Variants in ENOX2 observed in about 807,000 individuals in gnomAD.
ENOX2 encodes the protein APK1 antigen.
In ENOX2, 36 loss-of-function variants were observed where a neutral mutation model predicts 45.0. That is an observed-to-expected ratio of 0.80 (90% CI 0.61 to 1.06). The LOEUF (loss-of-function observed/expected upper bound fraction) is 1.06, where lower values mean the gene tolerates loss of function less well. ENOX2 is among the 50% of genes least tolerant of loss of function. ENOX2 has a pLI of 0.00. For missense variants in ENOX2, 423 were observed against 462.5 expected, an observed-to-expected ratio of 0.91 and a Z score of 0.78; for synonymous variants, 174 against 152.3, an observed-to-expected ratio of 1.14 and a Z score of -1.05.
At chrX:130,781,702 C>T (rs1330912418) in intron 3 of ENOX2, among the ~76,000 whole-genome samples, 1 of 111,800 alleles carries the variant, frequency 8.9e-6, no homozygotes, top group Non-Finnish European at 1.9e-5. Flanking sequence ...GCACTCTATC[C>T]GTGGCAGGTT....
intron 2 of ENOX2, among the ~76,000 whole-genome samples, chrX:130,885,701 G>A (rs910790987): frequency 1.8e-5 from 2 of 112,196 alleles, no homozygotes; most frequent in African/African-American, 6.5e-5. Flanking sequence ...TTAGCAGAGA[G>A]AAGTTCTTCC....
intron 2 of ENOX2, among the ~76,000 whole-genome samples, chrX:130,802,957 T>C (rs1007019550): frequency 5.4e-5 from 6 of 111,877 alleles, no homozygotes; most frequent in African/African-American, 1.6e-4. Flanking sequence ...CTTGTAGTTA[T>C]GCAAGGATGA....
intron 2 of ENOX2, among the ~76,000 whole-genome samples, chrX:130,803,853 T>C (rs1197388491): frequency 8.9e-6 from 1 of 112,125 alleles, no homozygotes. Context: ...TAGCATAACA[T>C]TGTGATAAAA....
chrX:130,715,771 G>C (rs1382756575), intron 3 of ENOX2, among the ~76,000 whole-genome samples: 1 of 111,464 alleles, frequency 9.0e-6, no homozygotes, highest in Non-Finnish European at 1.9e-5. Context: ...TATTACCTGT[G>C]TGATGTTAGG....
chrX:130,902,683 GA>G (rs1279178772), intron 1 of ENOX2, among the ~76,000 whole-genome samples: 1 of 107,276 alleles, frequency 9.3e-6, no homozygotes, highest in African/African-American at 3.4e-5. Flanking sequence ...CCTGCGGTAA[GA>G]ATTAGAGTCC....
intron 8 of ENOX2, 143 bp downstream of exon 8, chrX:130,667,387 A>G (rs2036860928): frequency 3.9e-6 from 2 of 519,176 alleles, no homozygotes; most frequent in East Asian, 3.3e-5. Context: ...GCATTTGACA[A>G]TATAAGGAGA....
At chrX:130,715,906 G>A (rs957435342) in intron 3 of ENOX2, among the ~76,000 whole-genome samples, 4 of 111,743 alleles carry the variant, frequency 3.6e-5, no homozygotes, top group African/African-American at 9.8e-5. Context: ...CTATTGTGGT[G>A]CCTAACTTAG....
At chrX:130,708,376 G>T (rs1358191064) in intron 3 of ENOX2, among the ~76,000 whole-genome samples, 1 of 111,808 alleles carries the variant, frequency 8.9e-6, no homozygotes, top group Non-Finnish European at 1.9e-5. Flanking sequence ...TATGAATAAT[G>T]AAACTGAGGC....
intron 6 of ENOX2, 69 bp from the exon 7 acceptor site, chrX:130,670,267 A>G (rs2036950359): frequency 1.4e-6 from 1 of 721,117 alleles, no homozygotes. Flanking sequence ...GGAGAGAGAG[A>G]CAGAGACAGA....
Position 130,625,284 on chromosome X carries a change from T to G in ENOX2, c.*30A>C. On this transcript the variant is annotated 3_prime_UTR_variant, in exon 15 of 15. Transcript: ENST00000394363. ...ATGCTTGTCCAACACATATTTATCT[T>G]CAGGATCCCAAGTTGTTAGGCAAAG... The G allele has an allele frequency of 2.5e-6, 3 of 1,199,983 alleles. No individual in the cohort carries two copies. The highest frequency in any genetic ancestry group is 3.4e-6 in the Non-Finnish European group (3 of 888,752).
intron 10 of ENOX2, chrX:130,645,865 T>C: frequency 1.5e-6 from 1 of 680,186 alleles, no homozygotes; most frequent in Non-Finnish European, 2.4e-6. Context: ...AGGAATCCCC[T>C]GCAGGTTCAA....
chrX:130,697,301 C>T (rs972235703), intron 4 of ENOX2, among the ~76,000 whole-genome samples: 2 of 112,089 alleles, frequency 1.8e-5, no homozygotes, highest in Non-Finnish European at 3.8e-5. Context: ...CCCCTCACCA[C>T]ACCTGGGCTA....
chrX:130,855,262 C>A (rs1359256251), intron 2 of ENOX2, among the ~76,000 whole-genome samples: 1 of 111,102 alleles, frequency 9.0e-6, no homozygotes, highest in Non-Finnish European at 1.9e-5. Context: ...TATGTGGACA[C>A]CGAAATTAAA....
chrX:130,835,146 C>T (rs2148492436), intron 2 of ENOX2, among the ~76,000 whole-genome samples: 1 of 111,252 alleles, frequency 9.0e-6, no homozygotes. Context: ...AACACATTTG[C>T]ATGCTAGCTT....
intron 2 of ENOX2, among the ~76,000 whole-genome samples, chrX:130,795,497 T>A (rs748724406): frequency 1.8e-5 from 2 of 112,491 alleles, no homozygotes; most frequent in African/African-American, 6.4e-5. Flanking sequence ...ACCAATAAAT[T>A]AATATTGACT....
intron 2 of ENOX2, among the ~76,000 whole-genome samples, chrX:130,842,660 C>A (rs1410592854): frequency 8.9e-6 from 1 of 112,041 alleles, no homozygotes; most frequent in East Asian, 2.8e-4. Flanking sequence ...CTCTCTGCAG[C>A]ACTAAACTCT....
chrX:130,696,571 A>G (rs1381581419), intron 4 of ENOX2, among the ~76,000 whole-genome samples: 1 of 112,455 alleles, frequency 8.9e-6, no homozygotes, highest in Non-Finnish European at 1.9e-5. Context: ...AGTCCTTTCA[A>G]TTGAGCAAAT....
chrX:130,640,712 T>C (rs1224766176), intron 10 of ENOX2, among the ~76,000 whole-genome samples: 1 of 111,093 alleles, frequency 9.0e-6, no homozygotes, highest in Non-Finnish European at 1.9e-5. Context: ...TGAGAACACA[T>C]GGACACATGG....
intron 10 of ENOX2, among the ~76,000 whole-genome samples, chrX:130,648,399 T>C (rs1447420300): frequency 2.8e-5 from 3 of 108,448 alleles, no homozygotes; most frequent in South Asian, 4.1e-4. Context: ...GATGGCACCA[T>C]TGCACTCCAG....
Sources: gnomAD v4.1 joint callset for allele counts (sites outside exome capture counted in the v4.1 genomes callset) on GRCh38, gnomAD v4.1.1 for gene constraint, MANE v1.5 for transcripts, NCBI Gene and HGNC (gene_info 2026-07-23, HGNC 2026-07-21) for gene names.